GRIK1: variants seen among roughly 807,000 people sequenced by gnomAD.
The protein encoded by GRIK1 is glutamate ionotropic receptor kainate type subunit 1.
GRIK1 carries 69 observed loss-of-function variants against 105.7 expected under a neutral mutation model. That is an observed-to-expected ratio of 0.65 (90% CI 0.54 to 0.80). The LOEUF (loss-of-function observed/expected upper bound fraction) is 0.80. Ranked by LOEUF, GRIK1 falls within the 30% of genes least tolerant of loss-of-function variation. The pLI, the probability that GRIK1 is intolerant of heterozygous loss-of-function variation, is 0.00. For synonymous variants in GRIK1, 438 were observed against 431.3 expected (o/e 1.02, Z -0.19); for missense variants, 1,109 against 1,167.3 (o/e 0.95, Z 0.73).
At chr21:29,643,623 C>T (rs1332518230) in intron 6 of GRIK1, among the ~76,000 whole-genome samples, 1 of 152,164 alleles carries the variant, frequency 6.6e-6, no homozygotes, top group African/African-American at 2.4e-5. Flanking sequence ...TCGGTCATTC[C>T]TTTTAGGGGG....
intron 7 of GRIK1, among the ~76,000 whole-genome samples, chr21:29,601,054 C>T (rs1393656961): frequency 6.6e-6 from 1 of 152,192 alleles, no homozygotes; most frequent in African/African-American, 2.4e-5. Flanking sequence ...TCTAGTCAAA[C>T]ATTATTTCTG....
At chr21:29,633,902 T>C (rs1243639556) in intron 7 of GRIK1, among the ~76,000 whole-genome samples, 1 of 152,170 alleles carries the variant, frequency 6.6e-6, no homozygotes, top group African/African-American at 2.4e-5. Context: ...AGAAATTTGA[T>C]TGAGGTTGCT....
intron 5 of GRIK1, among the ~76,000 whole-genome samples, chr21:29,652,118 G>A (rs1415965979): frequency 6.6e-6 from 1 of 152,106 alleles, no homozygotes; most frequent in African/African-American, 2.4e-5. Flanking sequence ...CATAGCCTTT[G>A]GGGTATTTTG....
chr21:29,708,861 G>A (rs1326180516), intron 1 of GRIK1, among the ~76,000 whole-genome samples: 1 of 151,884 alleles, frequency 6.6e-6, no homozygotes, highest in African/African-American at 2.4e-5. Context: ...TAGCCTATGT[G>A]GGACTGTTGG....
At chr21:29,933,285 A>G (rs2071635595) in intron 1 of GRIK1, among the ~76,000 whole-genome samples, 1 of 152,184 alleles carries the variant, frequency 6.6e-6, no homozygotes, top group Non-Finnish European at 1.5e-5. Context: ...AAGCAGCTGC[A>G]GGATGTATGG....
At chr21:29,782,198 T>A (rs58136225) in intron 1 of GRIK1, among the ~76,000 whole-genome samples, 1 of 151,368 alleles carries the variant, frequency 6.6e-6, no homozygotes, top group Non-Finnish European at 1.5e-5. Flanking sequence ...GCCATTCTCC[T>A]GCCTCAGCCT....
At chr21:29,737,206 G>A (rs1401653688) in intron 1 of GRIK1, among the ~76,000 whole-genome samples, 1 of 152,156 alleles carries the variant, frequency 6.6e-6, no homozygotes, top group Non-Finnish European at 1.5e-5. Flanking sequence ...TTATCTGATG[G>A]TCTTGGCGAG....
intron 1 of GRIK1, among the ~76,000 whole-genome samples, chr21:29,937,222 G>C (rs1424172681): frequency 6.6e-6 from 1 of 152,126 alleles, no homozygotes; most frequent in Non-Finnish European, 1.5e-5. Context: ...AGGTAAAGCT[G>C]GTTTCCACAG....
intron 1 of GRIK1, among the ~76,000 whole-genome samples, chr21:29,799,291 A>C (rs988541870): frequency 6.6e-6 from 1 of 152,222 alleles, no homozygotes; most frequent in African/African-American, 2.4e-5. Flanking sequence ...TGACATGGAC[A>C]CTTACCATAT....
At chr21:29,850,060 T>C (rs1174453875) in intron 1 of GRIK1, among the ~76,000 whole-genome samples, 1 of 152,220 alleles carries the variant, frequency 6.6e-6, no homozygotes, top group Non-Finnish European at 1.5e-5. Context: ...TAAAATAGCA[T>C]ATGCCCGTGA....
intron 1 of GRIK1, among the ~76,000 whole-genome samples, chr21:29,863,901 A>T (rs944566392): frequency 1.3e-5 from 2 of 152,218 alleles, no homozygotes; most frequent in Non-Finnish European, 2.9e-5. Flanking sequence ...GGCCAAGCAC[A>T]TTAAATAATT....
chr21:29,814,581 T>C (rs2067102683), intron 1 of GRIK1, among the ~76,000 whole-genome samples: 1 of 152,028 alleles, frequency 6.6e-6, no homozygotes, highest in Admixed American at 6.6e-5. Context: ...AAGAGATACA[T>C]CAAATGCTTC....
intron 1 of GRIK1, among the ~76,000 whole-genome samples, chr21:29,840,004 T>C (rs925734238): frequency 5.3e-5 from 8 of 152,192 alleles, no homozygotes; most frequent in African/African-American, 1.7e-4. Flanking sequence ...TCACGAACTA[T>C]TTTAATGGTC....
chr21:29,642,296 A>T (rs1031816952), intron 7 of GRIK1, among the ~76,000 whole-genome samples: 2 of 152,208 alleles, frequency 1.3e-5, no homozygotes, highest in Non-Finnish European at 2.9e-5. Flanking sequence ...CCATACTCTC[A>T]AAAATCTTTT....
chr21:29,770,330 C>T (rs1211701903), intron 1 of GRIK1, among the ~76,000 whole-genome samples: 2 of 152,204 alleles, frequency 1.3e-5, no homozygotes, highest in African/African-American at 4.8e-5. Context: ...GTAGTGCCCA[C>T]GTCTGGGTCT....
intron 1 of GRIK1, among the ~76,000 whole-genome samples, chr21:29,902,977 A>G (rs2070465044): frequency 6.6e-6 from 1 of 152,164 alleles, no homozygotes; most frequent in Non-Finnish European, 1.5e-5. Flanking sequence ...AAATAACACC[A>G]CACATATACA....
At chr21:29,896,772 T>C (rs2070181401) in intron 1 of GRIK1, among the ~76,000 whole-genome samples, 1 of 152,186 alleles carries the variant, frequency 6.6e-6, no homozygotes, top group Admixed American at 6.5e-5. Flanking sequence ...TGGGTCACTA[T>C]TGGTGATGTG....
chr21:29,585,036 C>T (rs564480177), intron 12 of GRIK1, among the ~76,000 whole-genome samples: 12 of 152,258 alleles, frequency 7.9e-5, no homozygotes, highest in African/African-American at 2.9e-4. Flanking sequence ...TTCTGTATTT[C>T]GTCACTATAC....
intron 2 of GRIK1, among the ~76,000 whole-genome samples, chr21:29,692,596 C>A (rs184140634): frequency 6.6e-6 from 1 of 152,120 alleles, no homozygotes; most frequent in East Asian, 1.9e-4. Flanking sequence ...GTTTTTGAGA[C>A]GGAGTCTCGC....
Sources: gnomAD v4.1 joint callset for allele counts (sites outside exome capture counted in the v4.1 genomes callset) on GRCh38, gnomAD v4.1.1 for gene constraint, MANE v1.5 for transcripts, NCBI Gene and HGNC (gene_info 2026-07-23, HGNC 2026-07-21) for gene names.